Variants in A2M observed in about 807,000 individuals in gnomAD.
The protein encoded by A2M is alpha-2-macroglobulin, also known as C3 and PZP-like alpha-2-macroglobulin domain-containing protein 5.
A2M carries 128 observed loss-of-function variants against 183.9 expected under a neutral mutation model. The observed-to-expected ratio is 0.70, with a 90% confidence interval of 0.60 to 0.81. The LOEUF (loss-of-function observed/expected upper bound fraction) is 0.81, where lower values mean the gene tolerates loss of function less well. Among genes scored for constraint, A2M ranks in the 30% least tolerant of loss-of-function variants. The pLI, the probability that A2M is intolerant of heterozygous loss-of-function variation, is 0.00. For missense variants in A2M, 1,495 were observed against 1,787.6 expected, an observed-to-expected ratio of 0.84 and a Z score of 2.95; for synonymous variants, 592 against 670.8, an observed-to-expected ratio of 0.88 and a Z score of 1.81.
chr12:9,074,508 C>G (rs756137709), intron 29 of A2M, 52 bp downstream of exon 29: 26 of 1,499,032 alleles, frequency 1.7e-5, no homozygotes, highest in African/African-American at 2.8e-5. Flanking sequence ...CTTTTTCATT[C>G]AAATCTTTTG....
upstream of A2M, chr12:9,116,175 A>C: frequency 6.0e-6 from 2 of 332,206 alleles, no homozygotes; most frequent in South Asian, 2.6e-5. Flanking sequence ...TCTCTCCCTC[A>C]CTCCCCCACA....
chr12:9,115,528 C>A, intron 1 of A2M: 2 of 404,218 alleles, frequency 4.9e-6, no homozygotes, highest in Non-Finnish European at 9.0e-6. Context: ...TTTTAAAAAG[C>A]TAAAAATTTC....
intron 31 of A2M, 51 bp downstream of exon 31, chr12:9,072,305 AAAG>A: frequency 6.3e-7 from 1 of 1,594,140 alleles, no homozygotes; most frequent in Non-Finnish European, 8.5e-7. Context: ...GGAGTTCCCG[AAAG>A]AAGACTGGTG....
chr12:9,110,455 A>C, intron 4 of A2M, 121 bp from the exon 5 acceptor site: 4 of 536,348 alleles, frequency 7.5e-6, no homozygotes, highest in Non-Finnish European at 6.3e-6. Context: ...AAATAATTTA[A>C]TTGTACATTT....
At chr12:9,070,440 A>G (rs1487919024) in intron 32 of A2M, 48 bp downstream of exon 32, 2 of 1,244,084 alleles carry the variant, frequency 1.6e-6, no homozygotes, top group Non-Finnish European at 2.4e-6. Context: ...CTGGGGATAC[A>G]TACATCATTA....
intron 33 of A2M, chr12:9,069,052 T>C (rs1373615618): frequency 8.9e-6 from 4 of 447,422 alleles, no homozygotes; most frequent in Non-Finnish European, 1.6e-5. Context: ...CATATACCTC[T>C]GTCAATGCCA....
rs762710636 is a variant in A2M, at chr12:9,068,234, A to C, written c.4367-10T>G. ...GCAATTGCAAACTCATCTGAAAAAA[A>C]AAAAACCAACAAAAAACCAGAAATC... is the stretch of plus-strand genomic sequence containing the variant. On this transcript the variant is annotated splice_polypyrimidine_tract_variant and intron_variant, in intron 34 of 35. Coordinates refer to ENST00000318602, the MANE Select transcript of A2M (RefSeq NM_000014.6). The C allele has an allele frequency of 4.4e-6, 7 of 1,605,728 alleles. No homozygotes were observed. The highest frequency in any genetic ancestry group is 5.9e-6 in the Non-Finnish European group (7 of 1,179,274).
chr12:9,104,392 T>C lies in A2M; in HGVS notation c.1113A>G (p.Leu371=). 1 of 1,585,818 alleles carries C rather than the reference T, an allele frequency of 6.3e-7. No individual in the cohort carries two copies. Among genetic ancestry groups the C allele is most frequent in the Non-Finnish European group, 8.6e-7 (1 of 1,164,704 alleles). The stretch of plus-strand genomic sequence containing the variant: ...GTATAGGGACGCCTTTCCCATCTAC[T>C]AGGCGCACCTGAAGATTAAAAGCTG... ...QGIPFFGQVR[L]VDGKGVPIPN... The change falls in exon 11 of 36, where the codon CTA becomes CTG. Residue 371 remains leucine (L), a synonymous_variant. Coordinates refer to ENST00000318602, the MANE Select transcript of A2M (RefSeq NM_000014.6).
At chr12:9,077,470 T>C (rs781342366) in intron 26 of A2M, 50 bp from the exon 27 acceptor site, 2 of 1,551,498 alleles carry the variant, frequency 1.3e-6, no homozygotes, top group Middle Eastern at 1.7e-4. Flanking sequence ...GAGAATGCTA[T>C]TGATTAGTTC....
chr12:9,112,163 T>A lies in A2M; in HGVS notation c.479A>T (p.Glu160Val), dbSNP rs200572417. 3.4e-5 allele frequency: 55 copies of A among 1,613,668 alleles called. No individual in the cohort carries two copies. The African/African-American group carries it at 6.5e-4, about 19-fold the overall frequency. Residue 160 changes from glutamate (E) to valine (V), a missense_variant, in exon 4 of 36, where the codon GAG (glutamate) becomes GTG (valine). Coordinates refer to ENST00000318602, the MANE Select transcript of A2M (RefSeq NM_000014.6). ...TGTAGATAATAGAAAACTCACCAAC[T>A]CATTCAGGGGGTGAAAGTTTTCATC... ...SMDENFHPLN[E>V]LIPLVYIQDP...
At chr12:9,083,958 G>A (rs1592348861) in intron 22 of A2M, among the ~76,000 whole-genome samples, 1 of 152,174 alleles carries the variant, frequency 6.6e-6, no homozygotes, top group South Asian at 2.1e-4. Context: ...CACATACAAA[G>A]GAATTCCAAT....
chr12:9,097,742 C>T (rs1465177925), intron 15 of A2M, among the ~76,000 whole-genome samples: 1 of 151,064 alleles, frequency 6.6e-6, no homozygotes, highest in East Asian at 1.9e-4. Context: ...AAGTGATTCT[C>T]CTGCCTCAGC....
intron 25 of A2M, among the ~76,000 whole-genome samples, chr12:9,078,825 T>C (rs1240382676): frequency 1.3e-5 from 2 of 152,244 alleles, no homozygotes; most frequent in Non-Finnish European, 2.9e-5. Flanking sequence ...TATATTACTG[T>C]TTCCTTCTCA....
In A2M at chr12:9,076,815, C is replaced by A. The variant is rs766679974; in HGVS notation, c.3473G>T (p.Gly1158Val). The A allele has an allele frequency of 6.2e-7, 1 of 1,614,026 alleles. No individual in the cohort carries two copies. The highest frequency in any genetic ancestry group is 2.2e-5 in the East Asian group (1 of 44,886). The stretch of plus-strand genomic sequence containing the variant: ...TACTTCCTTCCTCTTGTCCTGGTTA[C>A]CTGCCAGGGCAAAAGCATAGGCCAG... The part of the protein sequence containing the change: ...ALLAYAFALA[G>V]NQDKRKEVLK... Residue 1158 changes from glycine to valine, a missense_variant, in exon 28 of 36, where the codon GGT becomes GTT. Physicochemically the swap from Gly to Val is moderately radical, Grantham distance 109 (BLOSUM62 -3). Coordinates refer to ENST00000318602, the MANE Select transcript of A2M (RefSeq NM_000014.6).
intron 18 of A2M, 114 bp downstream of exon 18, chr12:9,093,351 A>G: frequency 2.9e-6 from 2 of 700,450 alleles, no homozygotes; most frequent in Non-Finnish European, 5.0e-6. Flanking sequence ...ATATCAAAAC[A>G]TCATGTTGTA....
chr12:9,099,034 T>C (rs1565595946), intron 14 of A2M, among the ~76,000 whole-genome samples: 1 of 152,202 alleles, frequency 6.6e-6, no homozygotes, highest in Non-Finnish European at 1.5e-5. Flanking sequence ...TGCTCATTAA[T>C]TGTGGTGGGA....
chr12:9,068,017 C>G, intron 35 of A2M, 166 bp downstream of exon 35: 1 of 984,648 alleles, frequency 1.0e-6, no homozygotes, highest in African/African-American at 1.6e-5. Context: ...TGAGGTTTGA[C>G]AGAGTCAGCG....
At chr12:9,112,256 C>A (rs761991386) in intron 3 of A2M, 45 bp from the exon 4 acceptor site, 2 of 1,612,016 alleles carry the variant, frequency 1.2e-6, no homozygotes, top group South Asian at 2.2e-5. Flanking sequence ...CCAAAGTAGG[C>A]CTGTAGGCTG....
intron 14 of A2M, 122 bp from the exon 15 acceptor site, chr12:9,098,878 T>C: frequency 9.0e-7 from 1 of 1,111,852 alleles, no homozygotes; most frequent in Non-Finnish European, 1.3e-6. Context: ...TCGTGGAGGG[T>C]TGGCATTGTG....
Sources: allele counts gnomAD v4.1 joint callset (sites outside exome capture counted in the v4.1 genomes callset), GRCh38; gene constraint gnomAD v4.1.1; transcripts MANE v1.5; gene names NCBI Gene and HGNC (gene_info 2026-07-23, HGNC 2026-07-21).